SETX: variants seen among roughly 807,000 people sequenced by gnomAD.
The protein encoded by SETX is senataxin, also known as helicase senataxin.
A neutral mutation model predicts 227.2 loss-of-function variants in SETX; 90 were observed. The observed-to-expected ratio is 0.40, with a 90% CI of 0.33 to 0.47. SETX has a LOEUF of 0.47. SETX is among the 20% of genes least tolerant of loss of function. The probability of loss-of-function intolerance (pLI) is 0.91; values close to 1 mark genes in which losing one functional copy is unlikely to be tolerated. For missense variants in SETX, 3,052 were observed against 3,181.5 expected (o/e 0.96, Z 0.98); for synonymous variants, 1,210 against 1,113.2 (o/e 1.09, Z -1.73).
intron 23 of SETX, chr9:132,274,961 T>C (rs771697854): frequency 1.2e-5 from 5 of 401,564 alleles, no homozygotes; most frequent in Non-Finnish European, 2.2e-5. Flanking sequence ...TTAGTCTTGC[T>C]AGAACAAGAA....
chr9:132,354,663 T>C (rs572192013), intron 1 of SETX, among the ~76,000 whole-genome samples: 2 of 151,242 alleles, frequency 1.3e-5, no homozygotes, highest in South Asian at 2.1e-4. Flanking sequence ...GAGACCGCAG[T>C]GTAGACAACG....
At chr9:132,284,423 A>G (rs951230110) in intron 18 of SETX, among the ~76,000 whole-genome samples, 1 of 152,240 alleles carries the variant, frequency 6.6e-6, no homozygotes, top group Non-Finnish European at 1.5e-5. Flanking sequence ...TTTTAGTCAC[A>G]TAGAGAAAGA....
intron 19 of SETX, chr9:132,282,698 A>C (rs1172793581): frequency 6.2e-6 from 1 of 162,434 alleles, no homozygotes; most frequent in Admixed American, 5.7e-5. Context: ...TTTGATGACA[A>C]GACTCAAATT....
At position 132,318,268 on chromosome 9, in the gene SETX, C is replaced by T. The variant is rs187394576; in HGVS notation, c.5275-6412G>A. ...ATGTTTCTAGCATGCTCTATTTTTT[C>T]GAGAATATTTAATATGCTTATAGCT... On this transcript the variant is annotated intron_variant, in intron 10 of 25. Coordinates refer to ENST00000224140, the MANE Select transcript of SETX (RefSeq NM_015046.7). Among the ~76,000 whole-genome samples, 5 of 152,160 alleles carry T rather than the reference C, an allele frequency of 3.3e-5. No individual in the cohort carries two copies. The South Asian group carries it at 6.2e-4, about 19-fold the overall frequency.
Position 132,327,412 on chromosome 9 carries a change from A to T in SETX, c.4186T>A (p.Tyr1396Asn). 6.2e-7 allele frequency: 1 copy of T among 1,614,208 alleles called. No individual in the cohort carries two copies. The highest frequency in any genetic ancestry group is 8.5e-7 in the Non-Finnish European group (1 of 1,180,022). Residue 1396 changes from tyrosine to asparagine, a missense_variant, in exon 10 of 26, where the codon TAT (tyrosine) becomes AAT (asparagine). Tyr to Asn is a moderately radical substitution (Grantham distance 143). Transcript: ENST00000224140. ...IFVPESDRSD[Y>N]NCTGGTEVLA... ...ACCTCAGTTCCTCCTGTACAATTATAATCTGACCTATCAGATTCTGGTACA... is the reference window on the plus strand; with the variant it reads ...ACCTCAGTTCCTCCTGTACAATTATTATCTGACCTATCAGATTCTGGTACA...
chr9:132,321,777 G>A (rs559739501), intron 10 of SETX, among the ~76,000 whole-genome samples: 1 of 152,116 alleles, frequency 6.6e-6, no homozygotes, highest in East Asian at 1.9e-4. Context: ...GAACCCAAGA[G>A]GCAGAGGTTG....
At chr9:132,321,832 A>G (rs1564530646) in intron 10 of SETX, among the ~76,000 whole-genome samples, 2 of 152,112 alleles carry the variant, frequency 1.3e-5, no homozygotes, top group Non-Finnish European at 2.9e-5. Context: ...TGGGCAACAG[A>G]GTGAGACTCC....
At chr9:132,333,740 T>A (rs1261517367) in intron 7 of SETX, among the ~76,000 whole-genome samples, 1 of 152,110 alleles carries the variant, frequency 6.6e-6, no homozygotes, top group Non-Finnish European at 1.5e-5. Flanking sequence ...TTAGGCCTCA[T>A]TATCTAGACT....
At chr9:132,265,904 C>T (rs952256546) in intron 25 of SETX, among the ~76,000 whole-genome samples, 1 of 152,148 alleles carries the variant, frequency 6.6e-6, no homozygotes, top group African/African-American at 2.4e-5. Flanking sequence ...TCCCAAACCC[C>T]GAATGGCTAA....
chr9:132,291,640 A>C (rs545625080), intron 15 of SETX, among the ~76,000 whole-genome samples: 1 of 152,262 alleles, frequency 6.6e-6, no homozygotes, highest in African/African-American at 2.4e-5. Context: ...AAACAGAGAG[A>C]GAGCTGAAAA....
Position 132,263,010 on chromosome 9 carries a change from T to A in SETX, c.*1229A>T, listed in dbSNP as rs1245577165. ...TTGTCCCGAGCTTCCTCGATCTCCA[T>A]TCACCATGACCAATTTTTTCCCCCA... is the stretch of plus-strand genomic sequence containing the variant. On this transcript the variant is annotated 3_prime_UTR_variant, in exon 26 of 26. Transcript: ENST00000224140. The A allele has an allele frequency of 6.6e-6, 1 of 152,184 alleles. No individual in the cohort carries two copies. Among genetic ancestry groups the A allele is most frequent in the Non-Finnish European group, 1.5e-5 (1 of 68,028 alleles). 9.4% of individuals were successfully genotyped at this position (152,184 alleles called of 1,614,324 possible).
intron 5 of SETX, 57 bp downstream of exon 5, chr9:132,342,633 C>A: frequency 8.6e-7 from 1 of 1,169,252 alleles, no homozygotes; most frequent in South Asian, 1.2e-5. Flanking sequence ...GCTATTATAG[C>A]TATCTATAGG....
chr9:132,339,679 C>T (rs1036022723), intron 5 of SETX, among the ~76,000 whole-genome samples: 2 of 152,168 alleles, frequency 1.3e-5, no homozygotes, highest in Non-Finnish European at 2.9e-5. Flanking sequence ...ATGTTGCAAT[C>T]TCGGCTCACT....
At chr9:132,283,971 G>T (rs974469862) in intron 18 of SETX, among the ~76,000 whole-genome samples, 16 of 152,196 alleles carry the variant, frequency 1.1e-4, no homozygotes, top group African/African-American at 3.9e-4. Context: ...CCGGACGTGA[G>T]TGACGCCTCA....
chr9:132,308,695 G>A (rs1845473988), intron 11 of SETX, among the ~76,000 whole-genome samples: 1 of 152,074 alleles, frequency 6.6e-6, no homozygotes, highest in South Asian at 2.1e-4. Flanking sequence ...ATAAAACACT[G>A]AGAAAAATTT....
In SETX at chr9:132,328,095, G is replaced by T. The variant is rs755628570; in HGVS notation, c.3503C>A (p.Pro1168Gln). Residue 1168 changes from proline to glutamine, a missense_variant, in exon 10 of 26, where the codon CCA becomes CAA. By Grantham distance (76) the Pro-to-Gln change is moderately conservative (BLOSUM62 -1). Around this residue, in one of 10 missense-constraint regions of SETX, gnomAD observed 1,483 missense variants for 1,312.0 expected, o/e 1.13. Transcript: ENST00000224140. Reference sequence around the variant, plus strand: ...AGGCCTCACAGGATCTTCAGCCATTGGTTTTTCAGATCGTTTTCTCTTAGG... The same window carrying T: ...AGGCCTCACAGGATCTTCAGCCATTTGTTTTTCAGATCGTTTTCTCTTAGG... ...KKPKRKRSEK[P>Q]MAEDPVRPSS... 3.7e-6 allele frequency: 6 copies of T among 1,613,994 alleles called. No homozygotes were observed. The highest frequency in any genetic ancestry group is 4.2e-6 in the Non-Finnish European group (5 of 1,179,980).
At position 132,330,344 on chromosome 9, in the gene SETX, G is replaced by A. The variant is rs746062335; in HGVS notation, c.1254C>T (p.Leu418=). 2.9e-5 allele frequency: 46 copies of A among 1,613,916 alleles called. No individual in the cohort carries two copies. Among genetic ancestry groups the A allele is most frequent in the Non-Finnish European group, 3.7e-5 (44 of 1,179,900 alleles). The change falls in exon 10 of 26, where the codon CTC becomes CTT. Residue 418 remains leucine, a synonymous_variant. Transcript: ENST00000224140. ...FLWFIPFVQS[L]MDLKDLGVAY... is the part of the protein sequence containing the mutation. ...CCACACCCAAATCCTTAAGATCCATGAGGGACTGGACAAAAGGGATGAACC... is the reference window on the plus strand; with the variant it reads ...CCACACCCAAATCCTTAAGATCCATAAGGGACTGGACAAAAGGGATGAACC...
intron 2 of SETX, among the ~76,000 whole-genome samples, chr9:132,353,443 C>T (rs922246057): frequency 2.0e-5 from 3 of 151,930 alleles, no homozygotes; most frequent in Non-Finnish European, 4.4e-5. Flanking sequence ...CACTAAGATT[C>T]GAAGAGAAAG....
Position 132,330,411 on chromosome 9 carries a change from T to G in SETX, c.1187A>C (p.Asp396Ala). 6.2e-7 allele frequency: 1 copy of G among 1,614,166 alleles called. No homozygotes were observed. Among genetic ancestry groups the G allele is most frequent in the Non-Finnish European group, 8.5e-7 (1 of 1,180,008 alleles). The change falls in exon 10 of 26, where the codon GAT (aspartate) becomes GCT (alanine). Residue 396 changes from aspartate (D) to alanine (A), a missense_variant. Physicochemically the swap from Asp to Ala is moderately radical, Grantham distance 126. Transcript: ENST00000224140. ...METLASVLQS[D>A]IGQDMRVHNS... ...ATGAACACGCATGTCTTGACCAATA[T>G]CTGACTGAAGTACACTGGCTAATGT...
Sources: gnomAD v4.1 joint callset for allele counts (sites outside exome capture counted in the v4.1 genomes callset) on GRCh38, gnomAD v4.1.1 for gene constraint, gnomAD v4.1.1 regional missense constraint, MANE v1.5 for transcripts, NCBI Gene and HGNC (gene_info 2026-07-23, HGNC 2026-07-21) for gene names.